ERG: variants seen among roughly 807,000 people sequenced by gnomAD.
ERG encodes ETS transcription factor ERG, also known as transcriptional regulator ERG.
A neutral mutation model predicts 55.3 loss-of-function variants in ERG; 9 were observed. The observed-to-expected ratio is 0.16, with a 90% CI of 0.10 to 0.28. The LOEUF is 0.28. Among genes scored for constraint, ERG ranks in the 10% least tolerant of loss-of-function variants. ERG has a pLI of 1.00. For missense variants in ERG, 434 were observed against 631.6 expected, an observed-to-expected ratio of 0.69 and a Z score of 3.35; for synonymous variants, 223 against 237.3, an observed-to-expected ratio of 0.94 and a Z score of 0.55.
chr21:38,626,614 TA>T (rs1377763632), intron 1 of ERG, among the ~76,000 whole-genome samples: 1 of 152,206 alleles, frequency 6.6e-6, no homozygotes, highest in Non-Finnish European at 1.5e-5. Context: ...GGGAAGCACT[TA>T]TTTTCATAAC....
At chr21:38,403,168 G>A (rs1413217497) in intron 4 of ERG, among the ~76,000 whole-genome samples, 5 of 152,110 alleles carry the variant, frequency 3.3e-5, no homozygotes, top group Non-Finnish European at 7.3e-5. Context: ...ATTTCGATTC[G>A]GGGTATCATG....
At chr21:38,480,302 G>A (rs544936151) in intron 1 of ERG, among the ~76,000 whole-genome samples, 4 of 152,192 alleles carry the variant, frequency 2.6e-5, no homozygotes, top group African/African-American at 7.2e-5. Context: ...AAGTGGAATC[G>A]CGGATAAGAG....
intron 2 of ERG, 137 bp from the exon 3 acceptor site, chr21:38,423,698 C>A: frequency 1.1e-6 from 1 of 906,212 alleles, no homozygotes; most frequent in Non-Finnish European, 1.6e-6. Context: ...TGTGAAAAGC[C>A]AAATACAGGC....
intron 2 of ERG, among the ~76,000 whole-genome samples, chr21:38,441,435 C>T (rs1466470499): frequency 6.6e-6 from 1 of 152,224 alleles, no homozygotes; most frequent in Admixed American, 6.5e-5. Flanking sequence ...GCCTACTTTC[C>T]AGCCTGCCAG....
chr21:38,447,857 C>A (rs958530803), intron 1 of ERG, among the ~76,000 whole-genome samples: 3 of 151,980 alleles, frequency 2.0e-5, no homozygotes, highest in African/African-American at 7.3e-5. Flanking sequence ...AGCTTTGGCT[C>A]ACCCATGATG....
chr21:38,470,760 A>G (rs1382293476), intron 1 of ERG: 2 of 152,214 alleles, frequency 1.3e-5, no homozygotes, highest in African/African-American at 4.8e-5. Context: ...GCACCATTAA[A>G]TTCTGTTTCA....
intron 1 of ERG, among the ~76,000 whole-genome samples, chr21:38,485,868 G>C (rs2059280230): frequency 6.6e-6 from 1 of 151,890 alleles, no homozygotes; most frequent in Non-Finnish European, 1.5e-5. Context: ...CATCCTGCAA[G>C]CTCCATTCAT....
chr21:38,566,515 TA>T, intron 2 of ERG, among the ~76,000 whole-genome samples: 2 of 152,312 alleles, frequency 1.3e-5, no homozygotes, highest in African/African-American at 4.8e-5. Flanking sequence ...ATTCCTAAGT[TA>T]ATTTCCTATA....
chr21:38,543,661 T>G (rs1234113376), intron 2 of ERG, among the ~76,000 whole-genome samples: 1 of 147,656 alleles, frequency 6.8e-6, no homozygotes, highest in Non-Finnish European at 1.5e-5. Flanking sequence ...AAGAAAAAAA[T>G]AAAAGAGTAA....
intron 1 of ERG, among the ~76,000 whole-genome samples, chr21:38,610,209 G>C (rs1199266123): frequency 6.6e-6 from 1 of 152,222 alleles, no homozygotes; most frequent in Non-Finnish European, 1.5e-5. Context: ...CACTGCCCTT[G>C]TGCAAAGTAA....
At chr21:38,647,476 T>C (rs549276849) in intron 1 of ERG, among the ~76,000 whole-genome samples, 1 of 152,296 alleles carries the variant, frequency 6.6e-6, no homozygotes, top group East Asian at 1.9e-4. Context: ...ATATGTATAA[T>C]GCAAAGTACT....
intron 2 of ERG, among the ~76,000 whole-genome samples, chr21:38,554,568 G>A (rs1187051828): frequency 6.6e-6 from 1 of 152,112 alleles, no homozygotes; most frequent in Non-Finnish European, 1.5e-5. Flanking sequence ...AGTTAACACA[G>A]GAGCGGAAAA....
At chr21:38,516,534 A>G (rs1034119503) in intron 2 of ERG, among the ~76,000 whole-genome samples, 2 of 151,920 alleles carry the variant, frequency 1.3e-5, no homozygotes, top group African/African-American at 4.8e-5. Flanking sequence ...AAATGACCAC[A>G]CCACCCAAAT....
At chr21:38,585,758 G>A (rs939450057), upstream of ERG, among the ~76,000 whole-genome samples, 1 of 151,670 alleles carries the variant, frequency 6.6e-6, no homozygotes, top group African/African-American at 2.4e-5. Flanking sequence ...GGTTCCACAG[G>A]CCAGTTGACA....
intron 9 of ERG, among the ~76,000 whole-genome samples, chr21:38,386,435 G>C (rs1239321607): frequency 6.6e-6 from 1 of 152,162 alleles, no homozygotes; most frequent in Non-Finnish European, 1.5e-5. Flanking sequence ...TTTGCAGTGT[G>C]TAGAACAAAA....
chr21:38,487,120 C>CTTT (rs5843910), intron 1 of ERG, among the ~76,000 whole-genome samples: 5 of 127,574 alleles, frequency 3.9e-5, no homozygotes, highest in African/African-American at 1.2e-4. Flanking sequence ...CCTCACTCCT[C>CTTT]TTTTTTTTTT....
At chr21:38,508,012 G>C (rs200111652) in intron 2 of ERG, among the ~76,000 whole-genome samples, 13 of 1,822 alleles carry the variant, frequency 7.1e-3, no homozygotes, top group Non-Finnish European at 0.011. Context: ...CACACACAGA[G>C]ACACACAAAC....
rs1446024617 is a variant in ERG, at chr21:38,644,638, C to T, written c.-150+17020G>A. ...AGGAAGAACTAACTTAGGCTGAATT[C>T]TATTAAGACAAGGTTATCACAATAT... On this transcript the variant is annotated intron_variant, in intron 1 of 10. Transcript: ENST00000398910. 2.6e-5 allele frequency among the ~76,000 whole-genome samples: 4 copies of T among 152,106 alleles called. No homozygotes were observed. The East Asian group carries it at 7.7e-4, about 29-fold the overall frequency.
chr21:38,490,844 G>A lies in ERG; in HGVS notation c.18+7519C>T, dbSNP rs148671518. On this transcript the variant is annotated intron_variant, in intron 1 of 9. Transcript: ENST00000288319. Reference sequence around the variant, plus strand: ...GCAGCTATATCTATGCCTCCCATCCGTTGCACGGAAGATAAGGCCAATCCC... The same window carrying A: ...GCAGCTATATCTATGCCTCCCATCCATTGCACGGAAGATAAGGCCAATCCC... 2.3e-3 allele frequency among the ~76,000 whole-genome samples: 354 copies of A among 152,294 alleles called. 4 individuals carry two copies. Among genetic ancestry groups the A allele is most frequent in the Non-Finnish European group, 4.2e-3 (288 of 68,018 alleles).
Sources: allele counts gnomAD v4.1 joint callset (sites outside exome capture counted in the v4.1 genomes callset), GRCh38; gene constraint gnomAD v4.1.1; transcripts MANE v1.5; gene names NCBI Gene and HGNC (gene_info 2026-07-23, HGNC 2026-07-21).